Variants in MARCHF8 observed in about 807,000 individuals in gnomAD.
MARCHF8 encodes the protein membrane associated ring-CH-type finger 8.
In MARCHF8, 40 loss-of-function variants were observed where a neutral mutation model predicts 51.6. The ratio of observed to expected loss-of-function variants is 0.77; its 90% CI spans 0.60 to 1.01. The LOEUF is 1.01. MARCHF8 is among the 50% of genes least tolerant of loss of function. The pLI is 0.00. For synonymous variants in MARCHF8, 263 were observed against 280.3 expected, an observed-to-expected ratio of 0.94 and a Z score of 0.62; for missense variants, 685 against 708.6, an observed-to-expected ratio of 0.97 and a Z score of 0.38.
At chr10:45,499,395 C>G (rs2043235733) in intron 2 of MARCHF8, among the ~76,000 whole-genome samples, 1 of 152,062 alleles carries the variant, frequency 6.6e-6, no homozygotes, top group Non-Finnish European at 1.5e-5. Flanking sequence ...GCCTTTCCAC[C>G]CTGTCCACTG....
intron 1 of MARCHF8, among the ~76,000 whole-genome samples, chr10:45,545,835 C>T (rs562172513): frequency 6.6e-6 from 1 of 152,286 alleles, no homozygotes. Context: ...AGAAGGCTCC[C>T]CCTGCCACAT....
intron 1 of MARCHF8, among the ~76,000 whole-genome samples, chr10:45,570,276 A>G (rs1474616866): frequency 6.6e-6 from 1 of 152,222 alleles, no homozygotes. Context: ...AACAATGGAA[A>G]GATCAAAATC....
At position 45,533,153 on chromosome 10, in the gene MARCHF8, C is replaced by A. The variant is rs2043915525; in HGVS notation, c.59G>T (p.Arg20Ile). 7.4e-6 allele frequency: 12 copies of A among 1,612,938 alleles called. No homozygotes were observed. Among genetic ancestry groups the A allele is most frequent in the Non-Finnish European group, 1.0e-5 (12 of 1,179,466 alleles). The change falls in exon 2 of 8, where the codon AGA becomes ATA. Residue 20 changes from arginine to isoleucine, a missense_variant. Physicochemically the swap from Arg to Ile is moderately conservative, Grantham distance 97. Coordinates refer to ENST00000453424, the MANE Select transcript of MARCHF8 (RefSeq NM_001282866.2). ...AIPSQDAISA[R>I]VYRSKTKEKE... ...TTCTTTGGTCTTACTTCTGTAGACT[C>A]TAGCAGAGATGGCATCCTGGGATGG...
intron 1 of MARCHF8, among the ~76,000 whole-genome samples, chr10:45,561,037 C>G (rs2044304812): frequency 6.6e-6 from 1 of 152,098 alleles, no homozygotes; most frequent in South Asian, 2.1e-4. Flanking sequence ...TATGTCATCT[C>G]TATACACAGG....
At chr10:45,501,189 A>T (rs1175085304) in intron 2 of MARCHF8, among the ~76,000 whole-genome samples, 2 of 151,966 alleles carry the variant, frequency 1.3e-5, no homozygotes, top group Non-Finnish European at 2.9e-5. Context: ...TTATATGGAT[A>T]GGCAAAGGAA....
At chr10:45,593,819 G>A (rs1454636551) in intron 1 of MARCHF8, among the ~76,000 whole-genome samples, 1 of 152,236 alleles carries the variant, frequency 6.6e-6, no homozygotes, top group Admixed American at 6.5e-5. Context: ...AAAATAAAGA[G>A]AAAAATAACA....
intron 2 of MARCHF8, among the ~76,000 whole-genome samples, chr10:45,501,053 T>C (rs1363034644): frequency 2.0e-5 from 3 of 151,966 alleles, no homozygotes; most frequent in South Asian, 4.1e-4. Context: ...ATACTGTTCC[T>C]GGAATGAAAA....
intron 2 of MARCHF8, among the ~76,000 whole-genome samples, chr10:45,512,242 C>T (rs1403517841): frequency 1.3e-5 from 2 of 150,618 alleles, no homozygotes; most frequent in South Asian, 2.1e-4. Flanking sequence ...CCCCTCCGCC[C>T]GGCAGCCGCC....
chr10:45,457,107 T>A lies in MARCHF8; in HGVS notation c.*1132A>T, dbSNP rs1025236853. 6.6e-6 allele frequency: 1 copy of A among 152,252 alleles called. No individual in the cohort carries two copies. Among genetic ancestry groups the A allele is most frequent in the African/African-American group, 2.4e-5 (1 of 41,436 alleles). 9.4% of individuals were successfully genotyped at this position (152,252 alleles called of 1,614,324 possible). A position where few individuals can be genotyped will look rare whatever the true frequency, so the allele number is the denominator to read the frequency against. The stretch of plus-strand genomic sequence containing the variant: ...AAGCCTCACAGTGGGCCAGCACCCA[T>A]CTTGCATGCAAGGGAGAACCTGCAT... On this transcript the variant is annotated 3_prime_UTR_variant, in exon 8 of 8. Transcript: ENST00000453424.
At chr10:45,577,426 C>T (rs1003226762) in intron 1 of MARCHF8, among the ~76,000 whole-genome samples, 2 of 152,090 alleles carry the variant, frequency 1.3e-5, no homozygotes, top group African/African-American at 4.8e-5. Context: ...ACCCTATTTG[C>T]CGCGATATGA....
intron 3 of MARCHF8, among the ~76,000 whole-genome samples, chr10:45,486,342 G>A (rs771329504): frequency 3.9e-5 from 6 of 152,168 alleles, no homozygotes; most frequent in African/African-American, 1.4e-4. Flanking sequence ...AAGGCGGGTG[G>A]ATCAGGAGGT....
intron 3 of MARCHF8, among the ~76,000 whole-genome samples, chr10:45,472,626 T>C (rs1325560169): frequency 6.6e-6 from 1 of 152,236 alleles, no homozygotes; most frequent in African/African-American, 2.4e-5. Flanking sequence ...GCTGTATACT[T>C]GTGGAAGAAT....
Position 45,548,678 on chromosome 10 carries a change from G to GA in MARCHF8, c.-78-15390dup, listed in dbSNP as rs559771865. Among the ~76,000 whole-genome samples the GA allele has an allele frequency of 3.8e-3, 580 of 152,214 alleles. 3 individuals are homozygous for GA. The highest frequency in any genetic ancestry group is 0.013 in the African/African-American group (556 of 41,532). On this transcript the variant is annotated intron_variant, in intron 1 of 6. Transcript: ENST00000319836. ...ACAGAACAGGTGTTTTCAACACTTG[G>GA]AAAACACCTTCAATCCATCAAGCAC... is the stretch of plus-strand genomic sequence containing the variant.
intron 1 of MARCHF8, among the ~76,000 whole-genome samples, chr10:45,551,840 T>TACACACACACACACAC (rs139172803): frequency 1.3e-5 from 2 of 148,462 alleles, no homozygotes; most frequent in African/African-American, 2.5e-5. Flanking sequence ...GGTATATCTG[T>TACACACACACACACAC]ACACACACAC....
chr10:45,578,216 A>G (rs1009451154), intron 1 of MARCHF8, among the ~76,000 whole-genome samples: 4 of 152,188 alleles, frequency 2.6e-5, no homozygotes, highest in Non-Finnish European at 5.9e-5. Context: ...ATACTCCTCG[A>G]AGAAAAGCTG....
intron 1 of MARCHF8, among the ~76,000 whole-genome samples, chr10:45,566,164 G>T (rs146984475): frequency 4.8e-4 from 73 of 152,272 alleles, no homozygotes; most frequent in African/African-American, 1.7e-3. Context: ...CACACAGTAG[G>T]TGTATATATT....
intron 1 of MARCHF8, among the ~76,000 whole-genome samples, chr10:45,556,139 AT>A (rs1466490229): frequency 6.6e-6 from 1 of 152,230 alleles, no homozygotes; most frequent in Non-Finnish European, 1.5e-5. Flanking sequence ...AAACGGCATG[AT>A]TTTTTCAGTA....
intron 1 of MARCHF8, among the ~76,000 whole-genome samples, chr10:45,570,848 A>G (rs954200264): frequency 6.6e-6 from 1 of 152,178 alleles, no homozygotes; most frequent in African/African-American, 2.4e-5. Flanking sequence ...TCAATACCAA[A>G]AAGCAGATTA....
intron 2 of MARCHF8, among the ~76,000 whole-genome samples, chr10:45,512,455 C>A (rs1414848950): frequency 6.6e-6 from 1 of 150,916 alleles, no homozygotes; most frequent in African/African-American, 2.4e-5. Flanking sequence ...GGCACCTCTG[C>A]CCGGCCGCCC....
Sources: allele counts gnomAD v4.1 joint callset (sites outside exome capture counted in the v4.1 genomes callset), GRCh38; gene constraint gnomAD v4.1.1; transcripts MANE v1.5; gene names NCBI Gene and HGNC (gene_info 2026-07-23, HGNC 2026-07-21).